Variants in FASTKD5 observed in about 807,000 individuals in gnomAD.
FASTKD5 encodes the protein non-canonical pre-mRNAs endonuclease FASTKD5, mitochondrial.
In FASTKD5, 30 loss-of-function variants were observed where a neutral mutation model predicts 44.0. The ratio of observed to expected loss-of-function variants is 0.68; its 90% CI spans 0.51 to 0.93. FASTKD5 has a LOEUF of 0.93. Ranked by LOEUF, FASTKD5 falls within the 40% of genes least tolerant of loss-of-function variation. FASTKD5 has a pLI of 0.00. For missense variants in FASTKD5, 868 were observed against 908.2 expected (o/e 0.96, Z 0.57); for synonymous variants, 335 against 342.2 (o/e 0.98, Z 0.23).
chr20:3,159,515 G>GA (rs530700515), intron 1 of FASTKD5, among the ~76,000 whole-genome samples: 5 of 152,096 alleles, frequency 3.3e-5, no homozygotes, highest in South Asian at 2.1e-4. Flanking sequence ...TTTCACAGAG[G>GA]AAAAAAAATC....
At chr20:3,155,052 C>CAA (rs11326176) in intron 1 of FASTKD5, among the ~76,000 whole-genome samples, 15 of 96,080 alleles carry the variant, frequency 1.6e-4, no homozygotes, top group African/African-American at 5.0e-4. Flanking sequence ...GACACAGTCT[C>CAA]AAAAAAAAAA....
chr20:3,158,619 C>T (rs1231333725), intron 1 of FASTKD5, among the ~76,000 whole-genome samples: 3 of 152,054 alleles, frequency 2.0e-5, no homozygotes, highest in Non-Finnish European at 4.4e-5. Context: ...GGACTACAGG[C>T]GCCCGCCACC....
intron 1 of FASTKD5, among the ~76,000 whole-genome samples, chr20:3,152,459 G>A (rs1302312284): frequency 4.0e-5 from 6 of 150,360 alleles, no homozygotes; most frequent in African/African-American, 9.8e-5. Flanking sequence ...CTGAGATAGC[G>A]CCACTGCACT....
chr20:3,146,991 T>C lies in FASTKD5; in HGVS notation c.2080A>G (p.Arg694Gly). The C allele has an allele frequency of 2.5e-6, 4 of 1,614,176 alleles. No individual in the cohort carries two copies. In the South Asian group the frequency reaches 3.3e-5, roughly 13 times the overall value. ...GTGAACTGAACAGCCAGCTTCATTC[T>C]TGGGGTCTGCATGCAGGCTGCGGGG... is the stretch of plus-strand genomic sequence containing the variant. ...LCPAACMQTP[R>G]MKLAVQFTNR... The change falls in exon 2 of 2, where the codon AGA becomes GGA. Residue 694 changes from arginine to glycine, a missense_variant. Coordinates refer to ENST00000380266, the MANE Select transcript of FASTKD5 (RefSeq NM_021826.5).
At position 3,147,491 on chromosome 20, in the gene FASTKD5, T is replaced by C; in HGVS notation, c.1580A>G (p.Asp527Gly). The change falls in exon 2 of 2, where the codon GAT becomes GGT. Residue 527 changes from aspartate (D) to glycine (G), a missense_variant. Transcript: ENST00000380266. ...AGTACTAAGACGATTGCCTCTGTAA[T>C]CTGGACACTCAATGCCAACTGTACC... is the stretch of plus-strand genomic sequence containing the variant. The part of the protein sequence containing the change: ...LDGTVGIECP[D>G]YRGNRLSTHL... 6.2e-7 allele frequency: 1 copy of C among 1,614,204 alleles called. No homozygotes were observed. Among genetic ancestry groups the C allele is most frequent in the South Asian group, 1.1e-5 (1 of 91,088 alleles).
At position 3,147,588 on chromosome 20, in the gene FASTKD5, TGA is replaced by T; in HGVS notation, c.1481_1482del (p.Leu494GlnfsTer13). The T allele has an allele frequency of 6.2e-7, 1 of 1,614,212 alleles. No homozygotes were observed. The highest frequency in any genetic ancestry group is 8.5e-7 in the Non-Finnish European group (1 of 1,180,044). ...TGAGCTAACCTGACAAACCCTGGACTGAGAGCGAAATCAATTAACTCTACTGG... is the reference window on the plus strand; with the variant it reads ...TGAGCTAACCTGACAAACCCTGGACTGAGCGAAATCAATTAACTCTACTGG... ...YFPVELIDFA[L>X]SPGFVRLAQE... is the part of the protein sequence containing the mutation. On this transcript the variant is annotated frameshift_variant, in exon 2 of 2. Transcript: ENST00000380266. LOFTEE classifies it high-confidence loss of function.
chr20:3,153,658 G>A (rs971906205), intron 1 of FASTKD5, among the ~76,000 whole-genome samples: 20 of 152,208 alleles, frequency 1.3e-4, no homozygotes, highest in African/African-American at 3.6e-4. Context: ...ATTTCCAGGT[G>A]CCAGGGAGCT....
At position 3,149,634 on chromosome 20, in the gene FASTKD5, G is replaced by A. The variant is rs1300650541; in HGVS notation, c.-190-374C>T. 6.6e-6 allele frequency among the ~76,000 whole-genome samples: 1 copy of A among 152,178 alleles called. No individual in the cohort carries two copies. Among genetic ancestry groups the A allele is most frequent in the African/African-American group, 2.4e-5 (1 of 41,446 alleles). ...AGTGAGCAACTCCTTCCATCTCTTT[G>A]ATATCAAGGCAAACAGGTCCTACCT... On this transcript the variant is annotated intron_variant, in intron 1 of 1. Transcript: ENST00000380266. This position sits in a 1 kb window ranked among gnomAD's most constrained non-coding sequence, Gnocchi z 4.1.
chr20:3,150,669 C>A (rs1319166429), intron 1 of FASTKD5: 1 of 152,200 alleles, frequency 6.6e-6, no homozygotes, highest in Admixed American at 6.5e-5. Flanking sequence ...GCCTGCCTAA[C>A]TCTGCTGTCA....
chr20:3,148,620 CTT>C lies in FASTKD5; in HGVS notation c.449_450del (p.Lys150SerfsTer4). ...SVSEGELILH[K>X]VRVNQNNLQA... ...TGGAGATTATTTTGATTAACTCTGA[CTT>C]TGTGCAAAATTAGTTCACCTTCTGA... is the stretch of plus-strand genomic sequence containing the variant. On this transcript the variant is annotated frameshift_variant, in exon 2 of 2. Coordinates refer to ENST00000380266, the MANE Select transcript of FASTKD5 (RefSeq NM_021826.5). LOFTEE classifies it high-confidence loss of function. 6.2e-7 allele frequency: 1 copy of C among 1,614,170 alleles called. No individual in the cohort carries two copies. Among genetic ancestry groups the C allele is most frequent in the South Asian group, 1.1e-5 (1 of 91,084 alleles).
chr20:3,158,483 C>T (rs1490371541), intron 1 of FASTKD5, among the ~76,000 whole-genome samples: 1 of 151,898 alleles, frequency 6.6e-6, no homozygotes, highest in Non-Finnish European at 1.5e-5. Context: ...TTTATTTATT[C>T]ATTTATTTGA....
intron 1 of FASTKD5, among the ~76,000 whole-genome samples, chr20:3,158,665 G>A (rs781493930): frequency 1.4e-4 from 21 of 152,054 alleles, no homozygotes; most frequent in African/African-American, 4.1e-4. Flanking sequence ...TAGTAGAGAC[G>A]GGGTTTCACC....
chr20:3,151,128 C>T (rs2066620070), intron 1 of FASTKD5, among the ~76,000 whole-genome samples: 3 of 152,000 alleles, frequency 2.0e-5, no homozygotes, highest in Admixed American at 6.6e-5. Flanking sequence ...GTCTCAAACT[C>T]CTGGGCTCAA....
chr20:3,148,177 T>G lies in FASTKD5; in HGVS notation c.894A>C (p.Leu298=). The stretch of plus-strand genomic sequence containing the variant: ...GGATCAATGATTCCAATTTTTGCAT[T>G]AGGTCCTGGGATACCTGACGATTTT... The part of the protein sequence containing the change: ...IGENRQVSQD[L]MQKLESLILK... Residue 298 remains leucine, a synonymous_variant, in exon 2 of 2, where the codon CTA becomes CTC. Transcript: ENST00000380266. 2 of 1,613,928 alleles carry G rather than the reference T, an allele frequency of 1.2e-6. No homozygotes were observed. Among genetic ancestry groups the G allele is most frequent in the Non-Finnish European group, 1.7e-6 (2 of 1,180,008 alleles).
rs747361719 is a variant in FASTKD5 at position 3,147,104 on chromosome 20, T to G, written c.1967A>C (p.Glu656Ala). 1.2e-6 allele frequency: 2 copies of G among 1,613,994 alleles called. No homozygotes were observed. The highest frequency in any genetic ancestry group is 1.7e-6 in the Non-Finnish European group (2 of 1,180,032). The part of the protein sequence containing the change: ...TESEPGQQPM[E>A]LENKAAVPLG... ...AGGTACAGCTGCCTTATTCTCCAAC[T>G]CCATGGGCTGCTGCCCAGGCTCTGA... The change falls in exon 2 of 2, where the codon GAG (glutamate) becomes GCG (alanine). Residue 656 changes from glutamate to alanine, a missense_variant. Glu to Ala is a moderately radical substitution (Grantham distance 107). Coordinates refer to ENST00000380266, the MANE Select transcript of FASTKD5 (RefSeq NM_021826.5).
Position 3,147,473 on chromosome 20 carries a change from A to G in FASTKD5, c.1598T>C (p.Leu533Pro). The stretch of plus-strand genomic sequence containing the variant: ...CCCCTCTTGCTGAAGGTGAGTACTA[A>G]GACGATTGCCTCTGTAATCTGGACA... The part of the protein sequence containing the change: ...IECPDYRGNR[L>P]STHLQQEGSE... Residue 533 changes from leucine to proline, a missense_variant, in exon 2 of 2, where the codon CTT (leucine) becomes CCT (proline). By Grantham distance (98) the Leu-to-Pro change is moderately conservative (BLOSUM62 -3). Transcript: ENST00000380266. 2 of 1,614,214 alleles carry G rather than the reference A, an allele frequency of 1.2e-6. No homozygotes were observed. The highest frequency in any genetic ancestry group is 1.1e-5 in the South Asian group (1 of 91,082).
Position 3,147,084 on chromosome 20 carries a change from C to A in FASTKD5, c.1987G>T (p.Val663Leu). 6.2e-7 allele frequency: 1 copy of A among 1,614,156 alleles called. No homozygotes were observed. The highest frequency in any genetic ancestry group is 8.5e-7 in the Non-Finnish European group (1 of 1,180,050). The stretch of plus-strand genomic sequence containing the variant: ...TTGCAAAGGAAGCCCCCCAGAGGTA[C>A]AGCTGCCTTATTCTCCAACTCCATG... Reference protein sequence around the residue: ...QPMELENKAAVPLGGFLCNVA... With the variant: ...QPMELENKAALPLGGFLCNVA... Residue 663 changes from valine to leucine, a missense_variant, in exon 2 of 2, where the codon GTA (valine) becomes TTA (leucine). By Grantham distance (32) the Val-to-Leu change is conservative. Coordinates refer to ENST00000380266, the MANE Select transcript of FASTKD5 (RefSeq NM_021826.5).
At chr20:3,158,477 T>C (rs1437173177) in intron 1 of FASTKD5, among the ~76,000 whole-genome samples, 1 of 152,170 alleles carries the variant, frequency 6.6e-6, no homozygotes, top group African/African-American at 2.4e-5. Context: ...TATTTATTTA[T>C]TTATTCATTT....
rs762533475 is a variant in FASTKD5, at chr20:3,147,428, AAATACCACAGC to A, written c.1632_1642del (p.Leu544PhefsTer11). ...CTTTGAATTCATATCCTTCTCTGCT[AAATACCACAGC>A]AATTCAGACCCCTCTTGCTGAAGGT... On this transcript the variant is annotated frameshift_variant, in exon 2 of 2. Transcript: ENST00000380266. LOFTEE classifies it low-confidence loss of function (END_TRUNC). 1.2e-6 allele frequency: 2 copies of A among 1,614,234 alleles called. No individual in the cohort carries two copies. The highest frequency in any genetic ancestry group is 2.2e-5 in the South Asian group (2 of 91,090).
Sources: gnomAD v4.1 joint callset for allele counts (sites outside exome capture counted in the v4.1 genomes callset) on GRCh38, gnomAD v4.1.1 for gene constraint, Gnocchi (gnomAD v3.1) non-coding constraint, MANE v1.5 for transcripts, NCBI Gene and HGNC (gene_info 2026-07-23, HGNC 2026-07-21) for gene names.